Variants in CHURC1 observed in about 807,000 individuals in gnomAD.
CHURC1 encodes the protein protein Churchill.
CHURC1 carries 12 observed loss-of-function variants against 15.4 expected under a neutral mutation model. The ratio of observed to expected loss-of-function variants is 0.78; its 90% confidence interval spans 0.50 to 1.27. The LOEUF (loss-of-function observed/expected upper bound fraction) is 1.27. Among genes scored for constraint, CHURC1 ranks in the 50% most tolerant of loss-of-function variants. CHURC1 has a pLI of 0.00. For missense variants in CHURC1, 132 were observed against 137.8 expected, an observed-to-expected ratio of 0.96 and a Z score of 0.21; for synonymous variants, 42 against 47.5, an observed-to-expected ratio of 0.88 and a Z score of 0.48.
At position 64,933,552 on chromosome 14, in the gene CHURC1, A is replaced by G. The variant is rs1232335997; in HGVS notation, c.*1322A>G. On this transcript the variant is annotated 3_prime_UTR_variant, in exon 4 of 4. Coordinates refer to ENST00000549115, the MANE Select transcript of CHURC1 (RefSeq NM_001386928.1). ...TTTCTATCAAATTGGACTAACAAAA[A>G]TTGATATAATACATTCATCACAGTA... The G allele has an allele frequency of 1.0e-6, 1 of 974,850 alleles. No homozygotes were observed. Among genetic ancestry groups the G allele is most frequent in the African/African-American group, 1.8e-5 (1 of 57,030 alleles). 60.4% of individuals were successfully genotyped at this position (974,850 alleles called of 1,614,324 possible).
rs542978703 is a variant in CHURC1, at chr14:64,924,305, CTATG to C, written c.175+182_175+185del. On this transcript the variant is annotated intron_variant, in intron 2 of 3. Transcript: ENST00000549115. Reference sequence around the variant, plus strand: ...TCATTTATCTGGGATATCAAATAGTCTATGTAAATGACTTTTGCAGATAACTAAA... The same window carrying C: ...TCATTTATCTGGGATATCAAATAGTCTAAATGACTTTTGCAGATAACTAAA... 8.3e-5 allele frequency: 56 copies of C among 672,558 alleles called. No individual in the cohort carries two copies. The African/African-American group carries it at 9.4e-4, about 11-fold the overall frequency. 41.7% of individuals were successfully genotyped at this position (672,558 alleles called of 1,614,324 possible).
Position 64,914,456 on chromosome 14 carries a change from C to A in CHURC1, c.-40C>A, listed in dbSNP as rs376938628. ...TCAGTTCTCGCGAGGTTTCGTCTTC[C>A]CGGAAGCGTTGGAGGACATTCCCTG... On this transcript the variant is annotated 5_prime_UTR_variant, in exon 1 of 4. Coordinates refer to ENST00000549115, the MANE Select transcript of CHURC1 (RefSeq NM_001386928.1). 1.7e-5 allele frequency: 27 copies of A among 1,614,160 alleles called. No homozygotes were observed. The highest frequency in any genetic ancestry group is 2.2e-5 in the Non-Finnish European group (26 of 1,180,054).
At chr14:64,914,704 C>T (rs991576616) in intron 1 of CHURC1, among the ~76,000 whole-genome samples, 170 bp downstream of exon 1, 5 of 152,248 alleles carry the variant, frequency 3.3e-5, no homozygotes, top group Non-Finnish European at 7.3e-5. Flanking sequence ...GCGGTCTGCA[C>T]CTCTGGTACC....
chr14:64,934,899 T>G lies in CHURC1; in HGVS notation c.*2669T>G, dbSNP rs772597373. On this transcript the variant is annotated 3_prime_UTR_variant, in exon 4 of 4. Coordinates refer to ENST00000549115, the MANE Select transcript of CHURC1 (RefSeq NM_001386928.1). ...AAAACATAAGATCCTCTCTCTATAT[T>G]TCATTATTGGTGAACCCACATTGTG... 8.6e-5 allele frequency: 85 copies of G among 984,166 alleles called. No individual in the cohort carries two copies. The highest frequency in any genetic ancestry group is 9.8e-5 in the Non-Finnish European group (81 of 828,898). 61.0% of individuals were successfully genotyped at this position (984,166 alleles called of 1,614,324 possible).
chr14:64,916,282 A>G (rs1883873809), intron 1 of CHURC1, among the ~76,000 whole-genome samples: 1 of 152,244 alleles, frequency 6.6e-6, no homozygotes, highest in Non-Finnish European at 1.5e-5. Context: ...AAGTCGAGAT[A>G]GTGGTTACTC....
intron 3 of CHURC1, among the ~76,000 whole-genome samples, chr14:64,931,416 C>A (rs1265190411): frequency 6.6e-6 from 1 of 152,018 alleles, no homozygotes; most frequent in Non-Finnish European, 1.5e-5. Context: ...TGCTTGTAAT[C>A]TCAATTACTT....
chr14:64,915,744 C>A (rs779254882), intron 1 of CHURC1, among the ~76,000 whole-genome samples: 1 of 152,118 alleles, frequency 6.6e-6, no homozygotes, highest in Non-Finnish European at 1.5e-5. Context: ...GATTCCCATT[C>A]TAGAAAAATG....
intron 3 of CHURC1, chr14:64,930,824 G>T: frequency 6.6e-6 from 3 of 455,128 alleles, no homozygotes; most frequent in Non-Finnish European, 1.3e-5. Flanking sequence ...AGCAATGCCT[G>T]GTGGGTTGAA....
Position 64,934,404 on chromosome 14 carries a change from G to T in CHURC1, c.*2174G>T. The T allele has an allele frequency of 3.1e-6, 3 of 981,008 alleles. No individual in the cohort carries two copies. The highest frequency in any genetic ancestry group is 3.6e-6 in the Non-Finnish European group (3 of 825,950). The allele number at this position is 981,008 out of a possible 1,614,324, so 60.8% of individuals were successfully genotyped here. ...AAAAGAAGTTAAATAACTTGTTTAA[G>T]ATCACACAGCTAGTGCAGTTACCCC... On this transcript the variant is annotated 3_prime_UTR_variant, in exon 4 of 4. Transcript: ENST00000549115.
intron 1 of CHURC1, among the ~76,000 whole-genome samples, chr14:64,917,634 C>T (rs1883982281): frequency 6.6e-6 from 1 of 152,000 alleles, no homozygotes; most frequent in African/African-American, 2.4e-5. Context: ...ACCTGTAGTC[C>T]TAGCTACTTG....
intron 2 of CHURC1, among the ~76,000 whole-genome samples, chr14:64,925,168 T>C (rs1884587653): frequency 6.6e-6 from 1 of 152,172 alleles, no homozygotes; most frequent in South Asian, 2.1e-4. Flanking sequence ...TCCTTATCTC[T>C]AAAAAGGTGG....
intron 3 of CHURC1, among the ~76,000 whole-genome samples, chr14:64,931,656 A>G (rs1344226385): frequency 6.6e-6 from 1 of 152,268 alleles, no homozygotes; most frequent in Non-Finnish European, 1.5e-5. Context: ...AAATTCCCAG[A>G]CAACTAGCCA....
chr14:64,931,017 G>A (rs1366101088), intron 3 of CHURC1: 2 of 335,846 alleles, frequency 6.0e-6, no homozygotes, highest in Non-Finnish European at 1.2e-5. Flanking sequence ...GTTTACCTCT[G>A]TGGCCCTCTC....
In CHURC1 at chr14:64,926,125, G is replaced by A. The variant is rs774046030; in HGVS notation, c.246+45G>A. 13 of 1,391,218 alleles carry A rather than the reference G, an allele frequency of 9.3e-6. No individual in the cohort carries two copies. In the South Asian group the frequency reaches 1.1e-4, roughly 12 times the overall value. 86.2% of individuals were successfully genotyped at this position (1,391,218 alleles called of 1,614,324 possible). A position where few individuals can be genotyped will look rare whatever the true frequency, so the allele number is the denominator to read the frequency against. The stretch of plus-strand genomic sequence containing the variant: ...TAAATATAAATATGGGGAGGTTAGG[G>A]GAATAATAAAAGTGCTCTTGAGAAT... On this transcript the variant is annotated intron_variant, in intron 3 of 3. Transcript: ENST00000549115.
chr14:64,932,807 A>G lies in CHURC1; in HGVS notation c.*577A>G, dbSNP rs1885154029. 6.6e-6 allele frequency: 1 copy of G among 152,256 alleles called. No individual in the cohort carries two copies. The highest frequency in any genetic ancestry group is 2.4e-5 in the African/African-American group (1 of 41,432). 9.4% of individuals were successfully genotyped at this position (152,256 alleles called of 1,614,324 possible). Reference sequence around the variant, plus strand: ...AAGCCCAAACTAATATAAATGATTGAATGGGAACAAATCTCTTGTGCAGAA... The same window carrying G: ...AAGCCCAAACTAATATAAATGATTGGATGGGAACAAATCTCTTGTGCAGAA... On this transcript the variant is annotated 3_prime_UTR_variant, in exon 4 of 4. Transcript: ENST00000549115.
At position 64,934,817 on chromosome 14, in the gene CHURC1, A is replaced by G. The variant is rs1170562096; in HGVS notation, c.*2587A>G. 3.0e-6 allele frequency: 3 copies of G among 985,210 alleles called. No homozygotes were observed. Among genetic ancestry groups the G allele is most frequent in the Non-Finnish European group, 1.2e-6 (1 of 829,834 alleles). 61.0% of individuals were successfully genotyped at this position (985,210 alleles called of 1,614,324 possible). ...TTTTATATGCCCTGCCAATGTCCTCATCTATTGCAGAATGTATAATTATCT... is the reference window on the plus strand; with the variant it reads ...TTTTATATGCCCTGCCAATGTCCTCGTCTATTGCAGAATGTATAATTATCT... On this transcript the variant is annotated 3_prime_UTR_variant, in exon 4 of 4. Coordinates refer to ENST00000549115, the MANE Select transcript of CHURC1 (RefSeq NM_001386928.1).
rs1566833320 is a variant in CHURC1, at chr14:64,933,422, T to A, written c.*1192T>A. On this transcript the variant is annotated 3_prime_UTR_variant, in exon 4 of 4. Transcript: ENST00000549115. ...TTAGAATATCTTACTTTGCATAGTT[T>A]CATGAGCACTGGCCAGGAGGTTATA... The A allele has an allele frequency of 3.0e-6, 3 of 985,488 alleles. No homozygotes were observed. The highest frequency in any genetic ancestry group is 3.6e-6 in the Non-Finnish European group (3 of 829,950). The allele number at this position is 985,488 out of a possible 1,614,324, so 61.0% of individuals were successfully genotyped here. A position where few individuals can be genotyped will look rare whatever the true frequency, so the allele number is the denominator to read the frequency against.
chr14:64,932,035 A>C, intron 3 of CHURC1, 103 bp from the exon 4 acceptor site: 1 of 1,420,276 alleles, frequency 7.0e-7, no homozygotes. Flanking sequence ...ATGTACAGAA[A>C]GAATATTCAT....
At chr14:64,921,341 A>G (rs1884282540) in intron 1 of CHURC1, among the ~76,000 whole-genome samples, 1 of 152,328 alleles carries the variant, frequency 6.6e-6, no homozygotes, top group Admixed American at 6.5e-5. Flanking sequence ...AAAATGTTAA[A>G]TTGGACTTTA....
Sources: gnomAD v4.1 joint callset for allele counts (sites outside exome capture counted in the v4.1 genomes callset) on GRCh38, gnomAD v4.1.1 for gene constraint, MANE v1.5 for transcripts, NCBI Gene and HGNC (gene_info 2026-07-23, HGNC 2026-07-21) for gene names.